GLIS3: variants seen among roughly 807,000 people sequenced by gnomAD.
GLIS3 encodes the protein zinc finger protein GLIS3.
In GLIS3, 53 loss-of-function variants were observed where a neutral mutation model predicts 78.6. The ratio of observed to expected loss-of-function variants is 0.67; its 90% CI spans 0.54 to 0.85. The LOEUF (loss-of-function observed/expected upper bound fraction) is 0.85, where lower values mean the gene tolerates loss of function less well. Among genes scored for constraint, GLIS3 ranks in the 40% least tolerant of loss-of-function variants. The pLI, the probability that GLIS3 is intolerant of heterozygous loss-of-function variation, is 0.00. For missense variants in GLIS3, 1,703 were observed against 1,231.1 expected (o/e 1.38, Z -5.74); for synonymous variants, 684 against 509.9 (o/e 1.34, Z -4.60).
chr9:4,192,987 G>C (rs1818469699), intron 2 of GLIS3, among the ~76,000 whole-genome samples: 1 of 152,230 alleles, frequency 6.6e-6, no homozygotes, highest in South Asian at 2.1e-4. Context: ...GAACTGGCAA[G>C]CTATGATGCT....
intron 2 of GLIS3, among the ~76,000 whole-genome samples, chr9:4,131,276 G>A (rs754875489): frequency 1.3e-5 from 2 of 152,192 alleles, no homozygotes; most frequent in Non-Finnish European, 2.9e-5. Context: ...ATGCTGGAAT[G>A]AGTTAAGACT....
At chr9:3,841,752 C>T (rs1005656889) in intron 9 of GLIS3, among the ~76,000 whole-genome samples, 4 of 152,180 alleles carry the variant, frequency 2.6e-5, no homozygotes, top group Non-Finnish European at 5.9e-5. Context: ...ATATGTATCC[C>T]TACTGGGTGG....
chr9:4,442,046 G>C, the GLIS3 span, among the ~76,000 whole-genome samples: 1 of 152,114 alleles, frequency 6.6e-6, no homozygotes, highest in Non-Finnish European at 1.5e-5. Context: ...TTCTTTAAAC[G>C]TTTGGTAGAA....
At chr9:3,954,944 T>A (rs998832823) in intron 4 of GLIS3, among the ~76,000 whole-genome samples, 1 of 152,090 alleles carries the variant, frequency 6.6e-6, no homozygotes, top group African/African-American at 2.4e-5. Flanking sequence ...ATGGTGCACA[T>A]GGAATAAGCC....
chr9:4,046,089 G>T (rs960700822), intron 4 of GLIS3, among the ~76,000 whole-genome samples: 1 of 152,076 alleles, frequency 6.6e-6, no homozygotes, highest in Non-Finnish European at 1.5e-5. Context: ...CATTTATATT[G>T]CTGTACCAAA....
chr9:3,906,808 T>C (rs963912644), intron 6 of GLIS3, among the ~76,000 whole-genome samples: 1 of 152,214 alleles, frequency 6.6e-6, no homozygotes, highest in African/African-American at 2.4e-5. Flanking sequence ...GCTAAGACAT[T>C]AAGCACCTCC....
chr9:4,077,158 T>C (rs559057372), intron 4 of GLIS3, among the ~76,000 whole-genome samples: 18 of 152,332 alleles, frequency 1.2e-4, no homozygotes, highest in Non-Finnish European at 1.5e-4. Flanking sequence ...TATTGAACAT[T>C]TATGATTTTT....
At chr9:4,452,406 T>C in the GLIS3 span, among the ~76,000 whole-genome samples, 22 of 152,208 alleles carry the variant, frequency 1.4e-4, no homozygotes, top group African/African-American at 4.6e-4. Context: ...GATGACATGA[T>C]TGTATATTTA....
At chr9:4,196,920 G>A (rs967965748) in intron 2 of GLIS3, among the ~76,000 whole-genome samples, 5 of 152,182 alleles carry the variant, frequency 3.3e-5, no homozygotes, top group Admixed American at 6.5e-5. Context: ...TCATGGTGCA[G>A]TAGGGCCCTC....
At chr9:4,399,907 G>C in the GLIS3 span, among the ~76,000 whole-genome samples, 2 of 152,184 alleles carry the variant, frequency 1.3e-5, no homozygotes, top group Admixed American at 6.5e-5. Context: ...AATAGTGTGA[G>C]GGCCAGAGGT....
chr9:3,873,682 AAAGTC>A (rs1416055586), intron 8 of GLIS3, among the ~76,000 whole-genome samples: 1,989 of 150,380 alleles, frequency 0.013, 41 homozygotes, highest in African/African-American at 0.048. Flanking sequence ...TAAAGAAAAT[AAAGTC>A]AAAGAAAAAG....
chr9:4,229,171 G>C (rs558752348), intron 2 of GLIS3, among the ~76,000 whole-genome samples: 2 of 152,312 alleles, frequency 1.3e-5, no homozygotes, highest in East Asian at 3.9e-4. Flanking sequence ...ATACATGAGG[G>C]AACAGCAACA....
the GLIS3 span, among the ~76,000 whole-genome samples, chr9:4,442,476 C>A: frequency 6.6e-6 from 1 of 151,974 alleles, no homozygotes; most frequent in South Asian, 2.1e-4. Flanking sequence ...CCTGAGTATT[C>A]CAGAACTTGG....
chr9:4,058,020 G>A (rs1826290720), intron 4 of GLIS3, among the ~76,000 whole-genome samples: 1 of 152,098 alleles, frequency 6.6e-6, no homozygotes, highest in Admixed American at 6.6e-5. Flanking sequence ...AGCACACCTG[G>A]TCTTTTGAAT....
chr9:3,941,927 C>T (rs1201218585), intron 4 of GLIS3, among the ~76,000 whole-genome samples: 1 of 152,156 alleles, frequency 6.6e-6, no homozygotes, highest in Non-Finnish European at 1.5e-5. Context: ...CGATTGTTGA[C>T]ATTAAGTGGC....
chr9:4,060,591 G>T (rs933179578), intron 4 of GLIS3, among the ~76,000 whole-genome samples: 3 of 152,132 alleles, frequency 2.0e-5, no homozygotes, highest in African/African-American at 7.2e-5. Flanking sequence ...TTTATGAGAA[G>T]AGAAGAGAGA....
chr9:4,465,387 A>C, the GLIS3 span, among the ~76,000 whole-genome samples: 6 of 152,192 alleles, frequency 3.9e-5, no homozygotes, highest in African/African-American at 1.4e-4. Flanking sequence ...ATCTCTATTA[A>C]AAATACAAAA....
chr9:4,096,009 C>CAAAAAAAAAAAAAAA, intron 4 of GLIS3, among the ~76,000 whole-genome samples: 1 of 103,550 alleles, frequency 9.7e-6, no homozygotes, highest in Non-Finnish European at 2.0e-5. Flanking sequence ...GTAACCTATA[C>CAAAAAAAAAAAAAAA]AAAAAAAAAA....
intron 2 of GLIS3, chr9:4,144,887 C>T (rs1406869874): frequency 6.6e-6 from 1 of 152,156 alleles, no homozygotes; most frequent in Admixed American, 6.5e-5. Context: ...TAAGCAAGAA[C>T]ATGCTGTTTA....
Sources: gnomAD v4.1 joint callset for allele counts (sites outside exome capture counted in the v4.1 genomes callset) on GRCh38, gnomAD v4.1.1 for gene constraint, MANE v1.5 for transcripts, NCBI Gene and HGNC (gene_info 2026-07-23, HGNC 2026-07-21) for gene names.